The following TRIP12 variants were observed in gnomAD, a reference collection of about 807,000 sequenced individuals.
TRIP12 encodes thyroid hormone receptor interactor 12, also known as E3 ubiquitin-protein ligase TRIP12.
In TRIP12, 25 loss-of-function variants were observed where a neutral mutation model predicts 244.2. The ratio of observed to expected loss-of-function variants is 0.10; its 90% CI spans 0.07 to 0.14. The LOEUF is 0.14. Among genes scored for constraint, TRIP12 ranks in the 10% least tolerant of loss-of-function variants. TRIP12 has a pLI of 1.00. For synonymous variants in TRIP12, 905 were observed against 873.1 expected (o/e 1.04, Z -0.64); for missense variants, 1,677 against 2,486.4 (o/e 0.67, Z 6.92).
At chr2:229,871,846 G>C (rs1055023514) in intron 2 of TRIP12, among the ~76,000 whole-genome samples, 1 of 152,000 alleles carries the variant, frequency 6.6e-6, no homozygotes. Context: ...TTTTCTAGAA[G>C]AGTAAATATT....
At chr2:229,819,742 G>A (rs556890553) in intron 8 of TRIP12, among the ~76,000 whole-genome samples, 6 of 152,142 alleles carry the variant, frequency 3.9e-5, no homozygotes, top group African/African-American at 1.4e-4. Context: ...CTATATCATT[G>A]AGTACTGAAA....
intron 1 of TRIP12, among the ~76,000 whole-genome samples, chr2:229,897,642 G>A (rs540395128): frequency 7.9e-5 from 12 of 152,324 alleles, no homozygotes; most frequent in African/African-American, 2.6e-4. Context: ...GTGAGACTCC[G>A]TCTCTAAATA....
chr2:229,809,949 T>C (rs1296516713), intron 15 of TRIP12, among the ~76,000 whole-genome samples: 1 of 152,156 alleles, frequency 6.6e-6, no homozygotes, highest in African/African-American at 2.4e-5. Context: ...AAGACCATTT[T>C]ATCAGTTAAT....
At chr2:229,915,236 C>A (rs2075153550) in intron 1 of TRIP12, among the ~76,000 whole-genome samples, 1 of 151,864 alleles carries the variant, frequency 6.6e-6, no homozygotes, top group Admixed American at 6.6e-5. Context: ...CTGGACAACA[C>A]AGCGAAACTC....
chr2:229,859,078 C>G lies in TRIP12; in HGVS notation c.721G>C (p.Ala241Pro). ...GCSTITDSSSAASTSSSSSAV... is the reference protein window; with the variant it reads ...GCSTITDSSSPASTSSSSSAV... Reference sequence around the variant, plus strand: ...GAAGACGAGGAGGAAGTAGAGGCAGCAGAAGAAGAATCAGTGATGGTGCTA... The same window carrying G: ...GAAGACGAGGAGGAAGTAGAGGCAGGAGAAGAAGAATCAGTGATGGTGCTA... Residue 241 changes from alanine to proline, a missense_variant, in exon 4 of 42, where the codon GCT becomes CCT. Transcript: ENST00000675903. 2 of 1,614,206 alleles carry G rather than the reference C, an allele frequency of 1.2e-6. No individual in the cohort carries two copies. The highest frequency in any genetic ancestry group is 1.1e-5 in the South Asian group (1 of 91,080).
At chr2:229,897,429 T>C (rs1389305643) in intron 1 of TRIP12, among the ~76,000 whole-genome samples, 1 of 152,018 alleles carries the variant, frequency 6.6e-6, no homozygotes, top group African/African-American at 2.4e-5. Flanking sequence ...GGGAGGATTA[T>C]TTGAGGTCAG....
chr2:229,807,649 T>G lies in TRIP12; in HGVS notation c.2496+59A>C, dbSNP rs748929662. 2.3e-5 allele frequency: 36 copies of G among 1,597,920 alleles called. No individual in the cohort carries two copies. The East Asian group carries it at 8.0e-4, about 36-fold the overall frequency. On this transcript the variant is annotated intron_variant, in intron 17 of 41. Coordinates refer to ENST00000675903, the MANE Select transcript of TRIP12 (RefSeq NM_001348323.3). Reference sequence around the variant, plus strand: ...TCCACATATCCACCTCCCCATTCCATCCCTACACCCACTCTCCAACAAAAT... The same window carrying G: ...TCCACATATCCACCTCCCCATTCCAGCCCTACACCCACTCTCCAACAAAAT...
At chr2:229,854,499 AT>A (rs1379882152) in intron 4 of TRIP12, among the ~76,000 whole-genome samples, 1 of 152,144 alleles carries the variant, frequency 6.6e-6, no homozygotes, top group Non-Finnish European at 1.5e-5. Flanking sequence ...TAATGTTTTC[AT>A]TTATTCCTCA....
chr2:229,799,114 T>G (rs1283730208), intron 22 of TRIP12, 65 bp from the exon 23 acceptor site: 1 of 1,584,288 alleles, frequency 6.3e-7, no homozygotes, highest in African/African-American at 1.4e-5. Context: ...ACAACTGATT[T>G]TTAAGATTCA....
chr2:229,853,906 G>A (rs2059161304), intron 4 of TRIP12, among the ~76,000 whole-genome samples: 1 of 152,114 alleles, frequency 6.6e-6, no homozygotes, highest in African/African-American at 2.4e-5. Flanking sequence ...GCCAAACTAT[G>A]AGGAGATAAT....
intron 1 of TRIP12, among the ~76,000 whole-genome samples, chr2:229,900,568 G>A (rs980844453): frequency 3.3e-4 from 50 of 152,114 alleles, no homozygotes; most frequent in African/African-American, 1.2e-3. Flanking sequence ...TAACCTAAAA[G>A]TTAATAGAAT....
intron 2 of TRIP12, among the ~76,000 whole-genome samples, chr2:229,861,631 G>T (rs1244993621): frequency 6.6e-6 from 1 of 152,146 alleles, no homozygotes; most frequent in Non-Finnish European, 1.5e-5. Flanking sequence ...CTGTAAGGAT[G>T]CCATAAATTT....
intron 1 of TRIP12, among the ~76,000 whole-genome samples, chr2:229,913,813 A>T (rs959487409): frequency 2.0e-5 from 3 of 152,206 alleles, no homozygotes. Flanking sequence ...TCTACCTTGA[A>T]GAGGCCAAAA....
chr2:229,767,148 C>G lies in TRIP12; in HGVS notation c.*406G>C, dbSNP rs532401055. Reference sequence around the variant, plus strand: ...GAGCTTAAATTTCTGTACTTATGTACAAGAGTTGTCTTTGGAGGAAAGAAA... The same window carrying G: ...GAGCTTAAATTTCTGTACTTATGTAGAAGAGTTGTCTTTGGAGGAAAGAAA... On this transcript the variant is annotated 3_prime_UTR_variant, in exon 42 of 42. Coordinates refer to ENST00000675903, the MANE Select transcript of TRIP12 (RefSeq NM_001348323.3). The G allele has an allele frequency of 4.3e-4, 69 of 160,820 alleles. 2 individuals carry two copies. The highest frequency in any genetic ancestry group is 2.8e-3 in the Middle Eastern group (1 of 352). The allele number at this position is 160,820 out of a possible 1,614,324, so 10.0% of individuals were successfully genotyped here.
At chr2:229,889,056 A>G (rs2066703307) in intron 1 of TRIP12, among the ~76,000 whole-genome samples, 1 of 152,228 alleles carries the variant, frequency 6.6e-6, no homozygotes, top group African/African-American at 2.4e-5. Context: ...GAAAAGAATT[A>G]CTGAAAGAAA....
intron 1 of TRIP12, among the ~76,000 whole-genome samples, chr2:229,920,497 CAA>C (rs1464250019): frequency 6.6e-6 from 1 of 152,132 alleles, no homozygotes; most frequent in Non-Finnish European, 1.5e-5. Flanking sequence ...CCTTTACACA[CAA>C]ACACATTCCC....
chr2:229,847,308 G>A (rs145751238), intron 4 of TRIP12, among the ~76,000 whole-genome samples: 1 of 152,208 alleles, frequency 6.6e-6, no homozygotes, highest in Non-Finnish European at 1.5e-5. Context: ...GAAATTTAAC[G>A]GACATCAAAT....
At chr2:229,801,570 T>A (rs2044358586) in intron 21 of TRIP12, among the ~76,000 whole-genome samples, 1 of 152,232 alleles carries the variant, frequency 6.6e-6, no homozygotes, top group Admixed American at 6.5e-5. Context: ...ACCACTCATC[T>A]AGTAATATTA....
At chr2:229,814,390 T>C in intron 11 of TRIP12, 65 bp from the exon 12 acceptor site, 2 of 1,506,612 alleles carry the variant, frequency 1.3e-6, no homozygotes, top group South Asian at 2.3e-5. Flanking sequence ...ACTTATCTTC[T>C]ACATATTTTC....
Sources: gnomAD v4.1 joint callset for allele counts (sites outside exome capture counted in the v4.1 genomes callset) on GRCh38, gnomAD v4.1.1 for gene constraint, MANE v1.5 for transcripts, NCBI Gene and HGNC (gene_info 2026-07-23, HGNC 2026-07-21) for gene names.